Variants in TRDMT1 observed in about 807,000 individuals in gnomAD.
The protein encoded by TRDMT1 is tRNA (cytosine(38)-C(5))-methyltransferase.
In TRDMT1, 49 loss-of-function variants were observed where a neutral mutation model predicts 51.2. The observed-to-expected ratio is 0.96, with a 90% CI of 0.76 to 1.21. The LOEUF is 1.21. Among genes scored for constraint, TRDMT1 ranks in the 50% most tolerant of loss-of-function variants. The pLI, the probability that TRDMT1 is intolerant of heterozygous loss-of-function variation, is 0.00. For synonymous variants in TRDMT1, 187 were observed against 164.6 expected (o/e 1.14, Z -1.04); for missense variants, 534 against 462.3 (o/e 1.16, Z -1.42).
chr10:17,189,519 C>T (rs1239712999), intron 1 of TRDMT1, among the ~76,000 whole-genome samples: 3 of 152,082 alleles, frequency 2.0e-5, no homozygotes, highest in African/African-American at 7.2e-5. Flanking sequence ...TCACAATCAA[C>T]AAAGAACATC....
chr10:17,150,365 T>C, intron 10 of TRDMT1: 1 of 984,726 alleles, frequency 1.0e-6, no homozygotes, highest in Non-Finnish European at 1.2e-6. Flanking sequence ...CCTTTACCTA[T>C]TCTGGATACA....
intron 3 of TRDMT1, among the ~76,000 whole-genome samples, chr10:17,165,674 G>GA (rs1409460254): frequency 1.5e-5 from 2 of 136,168 alleles, no homozygotes; most frequent in African/African-American, 5.5e-5. Context: ...AAATTTACAA[G>GA]AAAAAAACAA....
chr10:17,143,024 G>A lies in TRDMT1; in HGVS notation c.*6016C>T. ...GTTTTATTTGCGCTACTTTCCAAAA[G>A]CCAAAAGCCTATCCCAGAATTATTT... On this transcript the variant is annotated 3_prime_UTR_variant, in exon 11 of 11. Coordinates refer to ENST00000377799, the MANE Select transcript of TRDMT1 (RefSeq NM_004412.7). The A allele has an allele frequency of 3.0e-6, 3 of 985,444 alleles. No homozygotes were observed. The highest frequency in any genetic ancestry group is 3.6e-6 in the Non-Finnish European group (3 of 829,930). 61.0% of individuals were successfully genotyped at this position (985,444 alleles called of 1,614,324 possible). A position where few individuals can be genotyped will look rare whatever the true frequency, so the allele number is the denominator to read the frequency against.
At chr10:17,178,406 T>G (rs1403395459) in intron 1 of TRDMT1, among the ~76,000 whole-genome samples, 1 of 152,172 alleles carries the variant, frequency 6.6e-6, no homozygotes, top group Non-Finnish European at 1.5e-5. Flanking sequence ...CTGGGTGAGG[T>G]GGCTCACACC....
chr10:17,175,780 C>T lies in TRDMT1; in HGVS notation c.65-1120G>A, dbSNP rs111625194. Among the ~76,000 whole-genome samples, 48 of 152,026 alleles carry T rather than the reference C, an allele frequency of 3.2e-4. 2 individuals carry two copies. The highest frequency in any genetic ancestry group is 1.1e-3 in the African/African-American group (44 of 41,480). On this transcript the variant is annotated intron_variant, in intron 1 of 10. Coordinates refer to ENST00000377799, the MANE Select transcript of TRDMT1 (RefSeq NM_004412.7). ...GGGCAAGGAGAAAGGCTCACACACG[C>T]TCAGAAAACAATCATAACCTTCCAC...
At chr10:17,185,076 C>T (rs187947398) in intron 1 of TRDMT1, among the ~76,000 whole-genome samples, 1 of 152,164 alleles carries the variant, frequency 6.6e-6, no homozygotes, top group Admixed American at 6.5e-5. Flanking sequence ...AGTACCCGCA[C>T]CATAGAATTT....
At chr10:17,181,371 G>T (rs1428246447) in intron 1 of TRDMT1, among the ~76,000 whole-genome samples, 1 of 152,098 alleles carries the variant, frequency 6.6e-6, no homozygotes, top group African/African-American at 2.4e-5. Context: ...CAGGACAGTG[G>T]CTCCCTCACT....
chr10:17,175,590 A>C (rs1842525695), intron 1 of TRDMT1, among the ~76,000 whole-genome samples: 1 of 152,060 alleles, frequency 6.6e-6, no homozygotes, highest in Admixed American at 6.6e-5. Context: ...ACAATATTAC[A>C]TAGTAGATCC....
intron 1 of TRDMT1, among the ~76,000 whole-genome samples, chr10:17,177,713 A>ACAC (rs1842778770): frequency 4.8e-5 from 7 of 147,146 alleles, no homozygotes; most frequent in South Asian, 4.3e-4. Context: ...ATAGACAAGA[A>ACAC]ACACACACAC....
At chr10:17,177,712 A>AC (rs1842778282) in intron 1 of TRDMT1, among the ~76,000 whole-genome samples, 6 of 110,868 alleles carry the variant, frequency 5.4e-5, no homozygotes, top group Admixed American at 4.4e-4. Flanking sequence ...AATAGACAAG[A>AC]AACACACACA....
rs541169429 is a variant in TRDMT1, at chr10:17,191,574, G to A, written c.64+9997C>T. ...AACTGCTCTGGCAATGAGGGATTTG[G>A]TAGAGCCAGGCTGGATGGGATGACC... On this transcript the variant is annotated intron_variant, in intron 1 of 10. Transcript: ENST00000377799. Among the ~76,000 whole-genome samples the A allele has an allele frequency of 4.6e-5, 7 of 152,270 alleles. No homozygotes were observed. The South Asian group carries it at 1.4e-3, about 32-fold the overall frequency.
chr10:17,180,311 C>T (rs1012729431), intron 1 of TRDMT1, among the ~76,000 whole-genome samples: 6 of 152,044 alleles, frequency 3.9e-5, no homozygotes, highest in Non-Finnish European at 7.4e-5. Context: ...GAGGCTGAGG[C>T]GGGTGGATCA....
At position 17,145,563 on chromosome 10, in the gene TRDMT1, C is replaced by T. The variant is rs1838033332; in HGVS notation, c.*3477G>A. The T allele has an allele frequency of 1.0e-6, 1 of 985,328 alleles. No individual in the cohort carries two copies. Among genetic ancestry groups the T allele is most frequent in the Non-Finnish European group, 1.2e-6 (1 of 829,948 alleles). 61.0% of individuals were successfully genotyped at this position (985,328 alleles called of 1,614,324 possible). A position where few individuals can be genotyped will look rare whatever the true frequency, so the allele number is the denominator to read the frequency against. ...AGCTATTAGTAAGTCAGTGTCATAA[C>T]TGGTGGCCTAAAACAGTTAGAATCC... is the stretch of plus-strand genomic sequence containing the variant. On this transcript the variant is annotated 3_prime_UTR_variant, in exon 11 of 11. Transcript: ENST00000377799.
At position 17,161,225 on chromosome 10, in the gene TRDMT1, T is replaced by C. The variant is rs567757641; in HGVS notation, c.389+258A>G. The stretch of plus-strand genomic sequence containing the variant: ...AATATAAATGACTAAAACTGAGAAA[T>C]GCCATTCTTACCAACCACTTACTCT... On this transcript the variant is annotated intron_variant, in intron 5 of 10. Coordinates refer to ENST00000377799, the MANE Select transcript of TRDMT1 (RefSeq NM_004412.7). Among the ~76,000 whole-genome samples the C allele has an allele frequency of 3.0e-4, 46 of 152,294 alleles. No individual in the cohort carries two copies. The South Asian group carries it at 6.0e-3, about 20-fold the overall frequency.
chr10:17,163,539 A>G (rs533604920), intron 3 of TRDMT1, among the ~76,000 whole-genome samples: 167 of 152,264 alleles, frequency 1.1e-3, no homozygotes, highest in African/African-American at 3.9e-3. Flanking sequence ...AACTGAAGGA[A>G]ATAGAGACAC....
rs1468928235 is a variant in TRDMT1 at position 17,148,207 on chromosome 10, T to TG, written c.*832dup. The TG allele has an allele frequency of 1.0e-6, 1 of 985,174 alleles. No individual in the cohort carries two copies. The highest frequency in any genetic ancestry group is 1.7e-5 in the African/African-American group (1 of 57,186). 61.0% of individuals were successfully genotyped at this position (985,174 alleles called of 1,614,324 possible). A position where few individuals can be genotyped will look rare whatever the true frequency, so the allele number is the denominator to read the frequency against. On this transcript the variant is annotated 3_prime_UTR_variant, in exon 11 of 11. Coordinates refer to ENST00000377799, the MANE Select transcript of TRDMT1 (RefSeq NM_004412.7). ...GTATGTTGCTACAATAAAGAACAACTGGGGGGAGGGGAGTACTGTCATATG... is the reference window on the plus strand; with the variant it reads ...GTATGTTGCTACAATAAAGAACAACTGGGGGGGAGGGGAGTACTGTCATATG...
chr10:17,166,263 C>A (rs1412431188), intron 3 of TRDMT1, among the ~76,000 whole-genome samples: 1 of 151,008 alleles, frequency 6.6e-6, no homozygotes, highest in Admixed American at 6.7e-5. Flanking sequence ...AGCAAACTAT[C>A]ACAAGGACAA....
chr10:17,158,275 T>A (rs562766569), intron 7 of TRDMT1, among the ~76,000 whole-genome samples: 7 of 152,122 alleles, frequency 4.6e-5, no homozygotes, highest in Non-Finnish European at 8.8e-5. Flanking sequence ...ATGAGTCCTA[T>A]GGGAAAAACT....
intron 2 of TRDMT1, among the ~76,000 whole-genome samples, 180 bp downstream of exon 2, chr10:17,174,371 C>CT (rs1319038431): frequency 6.6e-6 from 1 of 152,142 alleles, no homozygotes; most frequent in South Asian, 2.1e-4. Context: ...TATAGCTGGA[C>CT]TTTTTTTTAA....
Sources: gnomAD v4.1 joint callset for allele counts (sites outside exome capture counted in the v4.1 genomes callset) on GRCh38, gnomAD v4.1.1 for gene constraint, MANE v1.5 for transcripts, NCBI Gene and HGNC (gene_info 2026-07-23, HGNC 2026-07-21) for gene names.